Variants in VEZT observed in about 807,000 individuals in gnomAD.
VEZT encodes the protein vezatin.
In VEZT, 39 loss-of-function variants were observed where a neutral mutation model predicts 79.9. The ratio of observed to expected loss-of-function variants is 0.49; its 90% CI spans 0.38 to 0.64. The LOEUF is 0.64. VEZT is among the 30% of genes least tolerant of loss of function. VEZT has a pLI of 0.00. For synonymous variants in VEZT, 325 were observed against 327.6 expected (o/e 0.99, Z 0.09); for missense variants, 837 against 893.1 (o/e 0.94, Z 0.80).
chr12:95,250,747 ATTT>A (rs3080327), intron 1 of VEZT, among the ~76,000 whole-genome samples: 1 of 142,884 alleles, frequency 7.0e-6, no homozygotes, highest in South Asian at 2.2e-4. Context: ...GGTTGGGGTG[ATTT>A]TTTTTTTTTT....
chr12:95,257,162 T>C lies in VEZT; in HGVS notation c.181T>C (p.Leu61=), dbSNP rs371282561. 2 of 1,610,702 alleles carry C rather than the reference T, an allele frequency of 1.2e-6. No individual in the cohort carries two copies. Among genetic ancestry groups the C allele is most frequent in the Non-Finnish European group, 1.7e-6 (2 of 1,178,588 alleles). ...TCATTTCCTTCAGCAAGGTATCCTG[T>C]TAAAAGTGGCTGAAACCATCAAAAG... The part of the protein sequence containing the change: ...TRVLPKQGIL[L]KVAETIKSWI... Residue 61 remains leucine, a synonymous_variant, in exon 3 of 12, where the codon TTA becomes CTA. Coordinates refer to ENST00000436874, the MANE Select transcript of VEZT (RefSeq NM_017599.4).
At position 95,302,370 on chromosome 12, in the gene VEZT, T is replaced by A. The variant is rs186119982; in HGVS notation, c.*1697T>A. On this transcript the variant is annotated 3_prime_UTR_variant, in exon 12 of 12. Coordinates refer to ENST00000436874, the MANE Select transcript of VEZT (RefSeq NM_017599.4). Reference sequence around the variant, plus strand: ...TTTTATTCAGTGTTCTCTAAGGTGATACCTTTTAATTTTGAAAGACTAAAT... The same window carrying A: ...TTTTATTCAGTGTTCTCTAAGGTGAAACCTTTTAATTTTGAAAGACTAAAT... 1 of 152,192 alleles carries A rather than the reference T, an allele frequency of 6.6e-6. No homozygotes were observed. Among genetic ancestry groups the A allele is most frequent in the African/African-American group, 2.4e-5 (1 of 41,468 alleles). The allele number at this position is 152,192 out of a possible 1,614,324, so 9.4% of individuals were successfully genotyped here. A position where few individuals can be genotyped will look rare whatever the true frequency, so the allele number is the denominator to read the frequency against.
chr12:95,257,277 T>A, intron 3 of VEZT, 38 bp downstream of exon 3: 1 of 1,440,764 alleles, frequency 6.9e-7, no homozygotes, highest in Non-Finnish European at 9.5e-7. Context: ...TTCAGGGTTC[T>A]AGGTTATTAG....
chr12:95,219,840 A>G (rs1359331247), intron 1 of VEZT, among the ~76,000 whole-genome samples: 1 of 152,238 alleles, frequency 6.6e-6, no homozygotes, highest in East Asian at 1.9e-4. Context: ...CAAAAATAAC[A>G]TTCCATTGTT....
At chr12:95,233,210 A>T (rs1413686298) in intron 1 of VEZT, among the ~76,000 whole-genome samples, 3 of 147,706 alleles carry the variant, frequency 2.0e-5, no homozygotes, top group African/African-American at 5.0e-5. Context: ...TTTTTTTCTT[A>T]GCAGACCTTA....
In VEZT at chr12:95,266,481, T is replaced by C; in HGVS notation, c.559T>C (p.Leu187=). ...FVYLVIRALR[L]WRTAKLQVTL... Reference sequence around the variant, plus strand: ...GTATCTGGTCATAAGAGCTTTGAGATTATGGAGGACAGCCAAACTACAAGT... The same window carrying C: ...GTATCTGGTCATAAGAGCTTTGAGACTATGGAGGACAGCCAAACTACAAGT... The change falls in exon 5 of 12, where the codon TTA becomes CTA. Residue 187 remains leucine (L), a synonymous_variant. Transcript: ENST00000436874. 3.1e-6 allele frequency: 5 copies of C among 1,613,836 alleles called. No individual in the cohort carries two copies. Among genetic ancestry groups the C allele is most frequent in the Non-Finnish European group, 4.2e-6 (5 of 1,179,846 alleles).
intron 9 of VEZT, 54 bp from the exon 10 acceptor site, chr12:95,294,218 T>C (rs1415506821): frequency 2.1e-6 from 3 of 1,449,544 alleles, no homozygotes; most frequent in Non-Finnish European, 2.8e-6. Flanking sequence ...TGTTCACTCA[T>C]TTCTGTGTGG....
intron 1 of VEZT, among the ~76,000 whole-genome samples, chr12:95,220,627 T>G (rs2136417306): frequency 6.6e-6 from 1 of 152,258 alleles, no homozygotes; most frequent in African/African-American, 2.4e-5. Flanking sequence ...ATTTATATAC[T>G]CTCTTATTTC....
chr12:95,231,848 G>A (rs1193362831), intron 1 of VEZT, among the ~76,000 whole-genome samples: 3 of 152,124 alleles, frequency 2.0e-5, no homozygotes, highest in Non-Finnish European at 1.5e-5. Context: ...AGGCTATATA[G>A]AAATTTACTA....
intron 3 of VEZT, among the ~76,000 whole-genome samples, chr12:95,259,034 G>A (rs962552524): frequency 4.6e-5 from 7 of 152,092 alleles, no homozygotes; most frequent in East Asian, 3.8e-4. Flanking sequence ...AATTTGTCAC[G>A]TCAGCACTAA....
rs2075010834 is a variant in VEZT at position 95,300,147 on chromosome 12, C to CA, written c.1832-18_1832-17insA. 2 of 1,326,868 alleles carry CA rather than the reference C, an allele frequency of 1.5e-6. No individual in the cohort carries two copies. Among genetic ancestry groups the CA allele is most frequent in the African/African-American group, 3.0e-5 (2 of 65,672 alleles). 82.2% of individuals were successfully genotyped at this position (1,326,868 alleles called of 1,614,324 possible). A position where few individuals can be genotyped will look rare whatever the true frequency, so the allele number is the denominator to read the frequency against. ...TCCTTAGTTATTTTTTTTCTTTTTT[C>CA]TTTTTTTTTATTTGAAGCCGTGTTG... On this transcript the variant is annotated splice_polypyrimidine_tract_variant and intron_variant, in intron 11 of 11. Coordinates refer to ENST00000436874, the MANE Select transcript of VEZT (RefSeq NM_017599.4).
In VEZT at chr12:95,266,401, T is replaced by G; in HGVS notation, c.479T>G (p.Leu160Arg). ...LFAFISLLVM[L>R]PTWWIVSSWL... ...GCCTTCATTAGCTTGCTCGTTATGC[T>G]TCCCACTTGGTGGATTGTGTCTTCC... The change falls in exon 5 of 12, where the codon CTT becomes CGT. Residue 160 changes from leucine to arginine, a missense_variant. Transcript: ENST00000436874. The G allele has an allele frequency of 6.2e-7, 1 of 1,613,938 alleles. No homozygotes were observed. The highest frequency in any genetic ancestry group is 8.5e-7 in the Non-Finnish European group (1 of 1,179,852).
At position 95,230,527 on chromosome 12, in the gene VEZT, C is replaced by T. The variant is rs73374250; in HGVS notation, c.36+12641C>T. On this transcript the variant is annotated intron_variant, in intron 1 of 11. Coordinates refer to ENST00000436874, the MANE Select transcript of VEZT (RefSeq NM_017599.4). ...TGAACTCCTAGGCTCCAGCTATCCT[C>T]TCCTCTCACCTCATCCTGTGTGAGC... is the stretch of plus-strand genomic sequence containing the variant. 2.5e-3 allele frequency among the ~76,000 whole-genome samples: 371 copies of T among 150,796 alleles called. 1 individual carries two copies. The highest frequency in any genetic ancestry group is 8.3e-3 in the African/African-American group (340 of 41,098).
chr12:95,289,435 A>AG (rs1435465009), intron 9 of VEZT, among the ~76,000 whole-genome samples: 1 of 150,312 alleles, frequency 6.7e-6, no homozygotes, highest in African/African-American at 2.4e-5. Context: ...AAAAAAAAAA[A>AG]AAAAAAAGAA....
At chr12:95,257,027 G>C in intron 2 of VEZT, 123 bp from the exon 3 acceptor site, 1 of 770,038 alleles carries the variant, frequency 1.3e-6, no homozygotes, top group Non-Finnish European at 2.0e-6. Context: ...TATATAACCT[G>C]GACAATTTTT....
chr12:95,245,556 G>A (rs556574208), intron 1 of VEZT: 1 of 456,722 alleles, frequency 2.2e-6, no homozygotes, highest in East Asian at 6.9e-5. Flanking sequence ...TGTTCAGTAA[G>A]TATTTATTAT....
At chr12:95,256,281 C>T (rs547563431) in intron 2 of VEZT, among the ~76,000 whole-genome samples, 330 of 152,104 alleles carry the variant, frequency 2.2e-3, no homozygotes, top group Middle Eastern at 6.8e-3. Flanking sequence ...AAACCCCTGA[C>T]CTCAGGTGCT....
At chr12:95,237,419 A>G (rs1215715962) in intron 1 of VEZT, among the ~76,000 whole-genome samples, 1 of 152,134 alleles carries the variant, frequency 6.6e-6, no homozygotes, top group African/African-American at 2.4e-5. Flanking sequence ...AACCAACCAG[A>G]TAGGAACTAC....
chr12:95,243,794 T>C, intron 1 of VEZT: 1 of 347,058 alleles, frequency 2.9e-6, no homozygotes, highest in South Asian at 2.2e-5. Context: ...AGTGAGTGAG[T>C]TCTTGCTCTC....
Sources: gnomAD v4.1 joint callset for allele counts (sites outside exome capture counted in the v4.1 genomes callset) on GRCh38, gnomAD v4.1.1 for gene constraint, MANE v1.5 for transcripts, NCBI Gene and HGNC (gene_info 2026-07-23, HGNC 2026-07-21) for gene names.